Variants in IL1RL2 observed in about 807,000 individuals in gnomAD.
IL1RL2 encodes the protein interleukin-1 receptor-like 2.
A neutral mutation model predicts 66.8 loss-of-function variants in IL1RL2; 68 were observed. The observed-to-expected ratio is 1.02, with a 90% CI of 0.84 to 1.25. The LOEUF (loss-of-function observed/expected upper bound fraction) is 1.25, where lower values mean the gene tolerates loss of function less well. Ranked by LOEUF, IL1RL2 falls within the 50% of genes most tolerant of loss-of-function variation. The probability of loss-of-function intolerance (pLI) is 0.00; values close to 1 mark genes in which losing one functional copy is unlikely to be tolerated. For synonymous variants in IL1RL2, 305 were observed against 264.6 expected (o/e 1.15, Z -1.48); for missense variants, 729 against 709.3 (o/e 1.03, Z -0.32).
At chr2:102,199,345 G>T (rs1466893157) in intron 4 of IL1RL2, among the ~76,000 whole-genome samples, 1 of 152,154 alleles carries the variant, frequency 6.6e-6, no homozygotes, top group Non-Finnish European at 1.5e-5. Flanking sequence ...ATGGTTTTCT[G>T]TGACAGGTCT....
chr2:102,235,283 C>G lies in IL1RL2; in HGVS notation c.1678+6C>G. Reference sequence around the variant, plus strand: ...ACCTTGCTACCGCACCGCAGGTGAGCGGGTGGGAGGACACGAGGTTTGTCA... The same window carrying G: ...ACCTTGCTACCGCACCGCAGGTGAGGGGGTGGGAGGACACGAGGTTTGTCA... On this transcript the variant is annotated splice_donor_region_variant and intron_variant, in intron 11 of 11. Coordinates refer to ENST00000264257, the MANE Select transcript of IL1RL2 (RefSeq NM_003854.4). The G allele has an allele frequency of 6.2e-7, 1 of 1,609,990 alleles. No individual in the cohort carries two copies. The highest frequency in any genetic ancestry group is 8.5e-7 in the Non-Finnish European group (1 of 1,177,884).
At chr2:102,225,473 T>A (rs530741993) in intron 8 of IL1RL2, among the ~76,000 whole-genome samples, 1 of 152,326 alleles carries the variant, frequency 6.6e-6, no homozygotes, top group South Asian at 2.1e-4. Flanking sequence ...AGTTACAATA[T>A]GATTGTAATC....
intron 5 of IL1RL2, among the ~76,000 whole-genome samples, chr2:102,208,703 ACT>A (rs1210935269): frequency 5.3e-5 from 8 of 152,060 alleles, no homozygotes; most frequent in African/African-American, 1.7e-4. Context: ...AGGGCCCTTT[ACT>A]CTGTACAGTC....
intron 6 of IL1RL2, among the ~76,000 whole-genome samples, chr2:102,216,780 A>G (rs1460498767): frequency 6.6e-6 from 1 of 152,182 alleles, no homozygotes; most frequent in Non-Finnish European, 1.5e-5. Flanking sequence ...AGGCTAAAAT[A>G]AAGACTTTTA....
At chr2:102,204,225 T>A (rs764462598) in intron 5 of IL1RL2, among the ~76,000 whole-genome samples, 6 of 152,160 alleles carry the variant, frequency 3.9e-5, no homozygotes, top group Non-Finnish European at 8.8e-5. Flanking sequence ...CTAGTTTTAT[T>A]CCATTGTGGT....
At chr2:102,241,941 C>T (rs780396246), downstream of IL1RL2, among the ~76,000 whole-genome samples, 7 of 152,154 alleles carry the variant, frequency 4.6e-5, no homozygotes, top group South Asian at 6.2e-4. Context: ...TATGATGTCT[C>T]GGATTTACTT....
At chr2:102,196,480 G>A (rs35153514) in intron 4 of IL1RL2, among the ~76,000 whole-genome samples, 7 of 152,304 alleles carry the variant, frequency 4.6e-5, no homozygotes, top group Non-Finnish European at 8.8e-5. Context: ...AATCAATTCT[G>A]CAATATCTGG....
At chr2:102,227,517 C>T (rs1690727224) in intron 9 of IL1RL2, among the ~76,000 whole-genome samples, 1 of 152,140 alleles carries the variant, frequency 6.6e-6, no homozygotes, top group African/African-American at 2.4e-5. Flanking sequence ...CCTTAAGTGT[C>T]CAGTGCAACC....
chr2:102,187,139 A>T, intron 1 of IL1RL2, 53 bp downstream of exon 1: 1 of 1,280,372 alleles, frequency 7.8e-7, no homozygotes, highest in Non-Finnish European at 1.0e-6. Flanking sequence ...GGGCCCTGAC[A>T]GTAGGAGAGG....
intron 4 of IL1RL2, among the ~76,000 whole-genome samples, chr2:102,192,702 A>G (rs1338160485): frequency 6.6e-6 from 1 of 152,190 alleles, no homozygotes; most frequent in African/African-American, 2.4e-5. Flanking sequence ...ATGTTGACAT[A>G]GAAGGTAACT....
intron 9 of IL1RL2, among the ~76,000 whole-genome samples, chr2:102,230,948 T>A (rs184984096): frequency 6.6e-6 from 1 of 152,312 alleles, no homozygotes; most frequent in Non-Finnish European, 1.5e-5. Flanking sequence ...TCCTTTCCCT[T>A]ATTAATCTTA....
At chr2:102,195,649 T>C (rs6708375) in intron 4 of IL1RL2, among the ~76,000 whole-genome samples, 4,963 of 18,720 alleles carry the variant, frequency 0.27, 416 homozygotes, top group African/African-American at 0.37. Flanking sequence ...CTCTCTCTCT[T>C]TCTTTCTTTC....
chr2:102,193,746 C>T (rs537919857), intron 4 of IL1RL2, among the ~76,000 whole-genome samples: 1 of 152,080 alleles, frequency 6.6e-6, no homozygotes, highest in East Asian at 1.9e-4. Flanking sequence ...ATAAAATGTA[C>T]CTTTTTATTT....
At chr2:102,212,698 G>A (rs965295343) in intron 6 of IL1RL2, among the ~76,000 whole-genome samples, 2 of 152,164 alleles carry the variant, frequency 1.3e-5, no homozygotes, top group Admixed American at 1.3e-4. Context: ...GCCAGGCACG[G>A]TGGCTCACGC....
downstream of IL1RL2, among the ~76,000 whole-genome samples, chr2:102,241,183 G>T (rs1675222089): frequency 6.6e-6 from 1 of 152,176 alleles, no homozygotes; most frequent in Non-Finnish European, 1.5e-5. Context: ...CTTCTTTTTC[G>T]GCTGCTGAGA....
At chr2:102,195,585 CTTTCTTTCTT>C (rs1559529837) in intron 4 of IL1RL2, among the ~76,000 whole-genome samples, 54 of 58,802 alleles carry the variant, frequency 9.2e-4, no homozygotes, top group South Asian at 1.6e-3. Context: ...TTCTTTCTTT[CTTTCTTTCTT>C]TCTTTCTTTC....
rs1159940295 is a variant in IL1RL2, at chr2:102,195,627, T to TTCTC, written c.489+3525_489+3528dup. Reference sequence around the variant, plus strand: ...TTTCTTTCTTTCTTTCTTTCTTTCTTTCTCTCTCTCTCTCTCTCTCTTTCT... The same window carrying TTCTC: ...TTTCTTTCTTTCTTTCTTTCTTTCTTTCTCTCTCTCTCTCTCTCTCTCTCTTTCT... On this transcript the variant is annotated intron_variant, in intron 4 of 11. Transcript: ENST00000264257. Among the ~76,000 whole-genome samples the TTCTC allele has an allele frequency of 3.9e-3, 57 of 14,644 alleles. 3 individuals are homozygous for TTCTC. Among genetic ancestry groups the TTCTC allele is most frequent in the African/African-American group, 5.7e-3 (32 of 5,576 alleles). The allele number at this position is 14,644 out of a possible 152,430, so 9.6% of individuals were successfully genotyped here. A position where few individuals can be genotyped will look rare whatever the true frequency, so the allele number is the denominator to read the frequency against.
chr2:102,191,917 T>C lies in IL1RL2; in HGVS notation c.294-8T>C, dbSNP rs775387660. On this transcript the variant is annotated splice_region_variant and splice_polypyrimidine_tract_variant and intron_variant, in intron 3 of 11. Transcript: ENST00000264257. The stretch of plus-strand genomic sequence containing the variant: ...AAAGAGTTTATGAGGTCTCAATCTG[T>C]CTTACAGGGGTAGAGACAGCTGTCA... 5 of 1,584,394 alleles carry C rather than the reference T, an allele frequency of 3.2e-6. No individual in the cohort carries two copies. In the South Asian group the frequency reaches 5.7e-5, roughly 18 times the overall value.
chr2:102,221,718 C>A (rs1333635907), intron 8 of IL1RL2, among the ~76,000 whole-genome samples: 1 of 152,108 alleles, frequency 6.6e-6, no homozygotes, highest in African/African-American at 2.4e-5. Flanking sequence ...CACTTAGGAG[C>A]TGGGTGAGGA....
Sources: allele counts gnomAD v4.1 joint callset (sites outside exome capture counted in the v4.1 genomes callset), GRCh38; gene constraint gnomAD v4.1.1; transcripts MANE v1.5; gene names NCBI Gene and HGNC (gene_info 2026-07-23, HGNC 2026-07-21).